The following KIAA0408 variants were observed in gnomAD, a reference collection of about 807,000 sequenced individuals.
The protein encoded by KIAA0408 is uncharacterized protein KIAA0408.
A neutral mutation model predicts 60.9 loss-of-function variants in KIAA0408; 51 were observed. That is an observed-to-expected ratio of 0.84 (90% CI 0.67 to 1.06). The LOEUF is 1.06. KIAA0408 is among the 50% of genes least tolerant of loss of function. KIAA0408 has a pLI of 0.00. For synonymous variants in KIAA0408, 304 were observed against 282.4 expected (o/e 1.08, Z -0.77); for missense variants, 787 against 833.9 (o/e 0.94, Z 0.69).
chr6:127,454,146 C>T, intron 1 of KIAA0408, 45 bp from the exon 2 acceptor site: 1 of 1,286,738 alleles, frequency 7.8e-7, no homozygotes, highest in Non-Finnish European at 9.8e-7. Flanking sequence ...CATGTGCTTT[C>T]TGGAAATATA....
intron 2 of KIAA0408, chr6:127,451,058 A>G (rs1773294556): frequency 8.1e-6 from 2 of 248,216 alleles, no homozygotes; most frequent in Non-Finnish European, 1.6e-5. Context: ...CTTCTTTATG[A>G]GATCTTAGTT....
At chr6:127,451,163 A>G (rs1773296341) in intron 2 of KIAA0408, 1 of 383,118 alleles carries the variant, frequency 2.6e-6, no homozygotes, top group Non-Finnish European at 5.1e-6. Flanking sequence ...TCAAACTTCA[A>G]AAGAGACTGT....
chr6:127,446,382 A>G, intron 5 of KIAA0408, 26 bp downstream of exon 5: 2 of 1,584,438 alleles, frequency 1.3e-6, no homozygotes, highest in Non-Finnish European at 1.7e-6. Context: ...GGATGCTACC[A>G]AATTATGTTA....
chr6:127,455,498 T>A (rs1377511084), intron 1 of KIAA0408, among the ~76,000 whole-genome samples: 1 of 152,192 alleles, frequency 6.6e-6, no homozygotes, highest in South Asian at 2.1e-4. Context: ...CAGTTTTGAA[T>A]CTGTATTTTT....
In KIAA0408 at chr6:127,449,889, G is replaced by C. The variant is rs1336127434; in HGVS notation, c.511C>G (p.Leu171Val). Residue 171 changes from leucine to valine, a missense_variant, in exon 4 of 6, where the codon CTT (leucine) becomes GTT (valine). Physicochemically the swap from Leu to Val is conservative, Grantham distance 32 (BLOSUM62 1). Around this residue, in one of 3 missense-constraint regions of KIAA0408, gnomAD observed 640 missense variants for 681.3 expected, o/e 0.94. Transcript: ENST00000483725. ...SGALSTALEE[L>V]AKVSEELCSF... ...CATAATTCTTCACTCACCTTCGCAA[G>C]TTCTTCAAGAGCCTTTACACATATA... 1 of 1,614,044 alleles carries C rather than the reference G, an allele frequency of 6.2e-7. No homozygotes were observed. Among genetic ancestry groups the C allele is most frequent in the East Asian group, 2.2e-5 (1 of 44,880 alleles).
chr6:127,454,856 T>G (rs955296407), intron 1 of KIAA0408, among the ~76,000 whole-genome samples: 2 of 152,082 alleles, frequency 1.3e-5, no homozygotes, highest in Admixed American at 6.6e-5. Context: ...TTTCAGGGAA[T>G]CCTCTATTAC....
chr6:127,449,319 G>T (rs1773256943), intron 4 of KIAA0408, among the ~76,000 whole-genome samples: 1 of 152,188 alleles, frequency 6.6e-6, no homozygotes, highest in Admixed American at 6.5e-5. Context: ...AGAATTGGAA[G>T]ATTTGCTTTA....
rs376432130 is a variant in KIAA0408, at chr6:127,444,320, G to A, written c.1912-38C>T. ...TAAAAACATTCCTCTCACTCTCTGGGTACCAACAATAGGCTTAATATATGA... is the reference window on the plus strand; with the variant it reads ...TAAAAACATTCCTCTCACTCTCTGGATACCAACAATAGGCTTAATATATGA... On this transcript the variant is annotated intron_variant, in intron 5 of 5. Transcript: ENST00000483725. The A allele has an allele frequency of 1.7e-5, 25 of 1,507,978 alleles. No homozygotes were observed. In the African/African-American group the frequency reaches 3.4e-4, roughly 20 times the overall value. The allele number at this position is 1,507,978 out of a possible 1,614,324, so 93.4% of individuals were successfully genotyped here.
rs372182832 is a variant in KIAA0408, at chr6:127,449,809, T to C, written c.578+13A>G. 1.9e-6 allele frequency: 3 copies of C among 1,613,660 alleles called. No homozygotes were observed. Among genetic ancestry groups the C allele is most frequent in the East Asian group, 2.2e-5 (1 of 44,874 alleles). Reference sequence around the variant, plus strand: ...TATTTACCCATCTAAAATAATCAGATGTACCAGCCTACCTTCTATGGTTAG... The same window carrying C: ...TATTTACCCATCTAAAATAATCAGACGTACCAGCCTACCTTCTATGGTTAG... On this transcript the variant is annotated intron_variant, in intron 4 of 5. Transcript: ENST00000483725.
Position 127,453,892 on chromosome 6 carries a change from CT to C in KIAA0408, c.89del (p.Lys30ArgfsTer14). On this transcript the variant is annotated frameshift_variant, in exon 2 of 6. Coordinates refer to ENST00000483725, the MANE Select transcript of KIAA0408 (RefSeq NM_014702.5). LOFTEE classifies it high-confidence loss of function. ...TAATCTTCCATTGACTTTCCCATTC[CT>C]TTCTTTCATTGTCAAACTGGTCCAG... The part of the protein sequence containing the change: ...ELLDQFDNER[K>X]EWESQWKIMQ... 6.2e-7 allele frequency: 1 copy of C among 1,612,862 alleles called. No homozygotes were observed. The highest frequency in any genetic ancestry group is 1.1e-5 in the South Asian group (1 of 90,988).
chr6:127,448,637 T>A (rs1773245923), intron 4 of KIAA0408, among the ~76,000 whole-genome samples: 1 of 152,116 alleles, frequency 6.6e-6, no homozygotes, highest in African/African-American at 2.4e-5. Context: ...CCTCTTCAAA[T>A]TATAAAAGAT....
chr6:127,444,753 TGC>T lies in KIAA0408; in HGVS notation c.1912-473_1912-472del, dbSNP rs557314863. On this transcript the variant is annotated intron_variant, in intron 5 of 5. Transcript: ENST00000483725. ...CACACAAACCAAATGATTAATCTGA[TGC>T]TTTTTTTTTTCACTATCACTGGCAC... Among the ~76,000 whole-genome samples, 467 of 152,224 alleles carry T rather than the reference TGC, an allele frequency of 3.1e-3. 2 individuals carry two copies. The highest frequency in any genetic ancestry group is 0.011 in the African/African-American group (449 of 41,566).
At position 127,443,469 on chromosome 6, in the gene KIAA0408, A is replaced by T. The variant is rs1016177797; in HGVS notation, c.*640T>A. The stretch of plus-strand genomic sequence containing the variant: ...TTATTTAAAAAGAATAAACAAGAAT[A>T]TCAATGGTATTATTTTATCCTTATA... On this transcript the variant is annotated 3_prime_UTR_variant, in exon 6 of 6. Coordinates refer to ENST00000483725, the MANE Select transcript of KIAA0408 (RefSeq NM_014702.5). The T allele has an allele frequency of 3.3e-5, 5 of 152,192 alleles. No homozygotes were observed. The highest frequency in any genetic ancestry group is 3.3e-4 in the Admixed American group (5 of 15,282). The allele number at this position is 152,192 out of a possible 1,614,324, so 9.4% of individuals were successfully genotyped here. A position where few individuals can be genotyped will look rare whatever the true frequency, so the allele number is the denominator to read the frequency against.
In KIAA0408 at chr6:127,444,032, C is replaced by T. The variant is rs867662757; in HGVS notation, c.*77G>A. 38 of 1,361,722 alleles carry T rather than the reference C, an allele frequency of 2.8e-5. No individual in the cohort carries two copies. In the Middle Eastern group the frequency reaches 1.8e-3, roughly 65 times the overall value. The allele number at this position is 1,361,722 out of a possible 1,614,324, so 84.4% of individuals were successfully genotyped here. On this transcript the variant is annotated 3_prime_UTR_variant, in exon 6 of 6. Transcript: ENST00000483725. Reference sequence around the variant, plus strand: ...ATTGCTTGTCGGAAGAGAACAGGTCCGCCTGTAAACACTCAGAATGCTCTG... The same window carrying T: ...ATTGCTTGTCGGAAGAGAACAGGTCTGCCTGTAAACACTCAGAATGCTCTG...
In KIAA0408 at chr6:127,440,941, A is replaced by T. The variant is rs1773098422; in HGVS notation, c.*3168T>A. 6.6e-6 allele frequency: 1 copy of T among 152,150 alleles called. No homozygotes were observed. Among genetic ancestry groups the T allele is most frequent in the Admixed American group, 6.6e-5 (1 of 15,266 alleles). 9.4% of individuals were successfully genotyped at this position (152,150 alleles called of 1,614,324 possible). On this transcript the variant is annotated 3_prime_UTR_variant, in exon 6 of 6. Transcript: ENST00000483725. The stretch of plus-strand genomic sequence containing the variant: ...TGGAAGAAGCTAGAGTGAACTGTGT[A>T]CATATATGAGTTTAGATTTCATAAG...
In KIAA0408 at chr6:127,447,728, A is replaced by G; in HGVS notation, c.591T>C (p.Asp197=). 1.9e-6 allele frequency: 3 copies of G among 1,549,116 alleles called. No homozygotes were observed. Among genetic ancestry groups the G allele is most frequent in the Non-Finnish European group, 2.6e-6 (3 of 1,154,308 alleles). Residue 197 remains aspartate (D), a synonymous_variant, in exon 5 of 6, where the codon GAT becomes GAC. Transcript: ENST00000483725. ...CATTTGGCATTTCCTGGAGAAAAGA[A>G]TCTGACTTCATCCTAAACAATGATA... ...KRSNHRRMKS[D]SFLQEMPNVT...
In KIAA0408 at chr6:127,444,236, G is replaced by C. The variant is rs758133035; in HGVS notation, c.1958C>G (p.Pro653Arg). 1 of 1,610,568 alleles carries C rather than the reference G, an allele frequency of 6.2e-7. No individual in the cohort carries two copies. The highest frequency in any genetic ancestry group is 8.5e-7 in the Non-Finnish European group (1 of 1,178,742). ...NASHGKGFSR[P>R]ARPANRRLPS... ...GAGACGACGATTTGCTGGTCTAGCAGGTCGGGAAAATCCTTTTCCATGTGA... is the reference window on the plus strand; with the variant it reads ...GAGACGACGATTTGCTGGTCTAGCACGTCGGGAAAATCCTTTTCCATGTGA... The change falls in exon 6 of 6, where the codon CCT (proline) becomes CGT (arginine). Residue 653 changes from proline to arginine, a missense_variant. By Grantham distance (103) the Pro-to-Arg change is moderately radical (BLOSUM62 -2). Around this residue, in one of 3 missense-constraint regions of KIAA0408, gnomAD observed 133 missense variants for 119.2 expected, o/e 1.12. Transcript: ENST00000483725.
chr6:127,440,223 G>A lies in KIAA0408; in HGVS notation c.*3886C>T, dbSNP rs1200187101. The A allele has an allele frequency of 1.3e-5, 2 of 151,874 alleles. No individual in the cohort carries two copies. The highest frequency in any genetic ancestry group is 2.4e-5 in the African/African-American group (1 of 41,340). 9.4% of individuals were successfully genotyped at this position (151,874 alleles called of 1,614,324 possible). ...GAGAAATCATTTTTGGTACTTGTCT[G>A]AAGAACTCATCCCCAATTTTTGCCT... On this transcript the variant is annotated 3_prime_UTR_variant, in exon 6 of 6. Transcript: ENST00000483725.
At chr6:127,449,286 A>G (rs562554385) in intron 4 of KIAA0408, among the ~76,000 whole-genome samples, 2 of 152,340 alleles carry the variant, frequency 1.3e-5, no homozygotes, top group South Asian at 4.1e-4. Flanking sequence ...AAAAGAGTAA[A>G]GTATTACTAA....
Sources: allele counts gnomAD v4.1 joint callset (sites outside exome capture counted in the v4.1 genomes callset), GRCh38; gene constraint gnomAD v4.1.1; regional missense constraint gnomAD v4.1.1; transcripts MANE v1.5; gene names NCBI Gene and HGNC (gene_info 2026-07-23, HGNC 2026-07-21).